Variants in MAP3K1 observed in about 807,000 individuals in gnomAD.
MAP3K1 encodes the protein mitogen-activated protein kinase kinase kinase 1.
MAP3K1 carries 36 observed loss-of-function variants against 144.2 expected under a neutral mutation model. The ratio of observed to expected loss-of-function variants is 0.25; its 90% CI spans 0.19 to 0.33. The LOEUF (loss-of-function observed/expected upper bound fraction) is 0.33, where lower values mean the gene tolerates loss of function less well. Among genes scored for constraint, MAP3K1 ranks in the 10% least tolerant of loss-of-function variants. MAP3K1 has a pLI of 1.00. For synonymous variants in MAP3K1, 718 were observed against 688.7 expected (o/e 1.04, Z -0.67); for missense variants, 1,650 against 1,881.9 (o/e 0.88, Z 2.28).
At position 56,844,460 on chromosome 5, in the gene MAP3K1, T is replaced by A. The variant is rs540717570; in HGVS notation, c.483-12140T>A. 3.3e-5 allele frequency among the ~76,000 whole-genome samples: 5 copies of A among 152,248 alleles called. No individual in the cohort carries two copies. The East Asian group carries it at 9.7e-4, about 29-fold the overall frequency. ...TCCCAAAGTGCTGGGATTACAGGTG[T>A]GAGCCACCGTGCCCGGCCTAGGATA... On this transcript the variant is annotated intron_variant, in intron 1 of 19. Transcript: ENST00000399503.
intron 19 of MAP3K1, among the ~76,000 whole-genome samples, chr5:56,889,193 G>C (rs1278842500): frequency 6.6e-6 from 1 of 152,104 alleles, no homozygotes; most frequent in Non-Finnish European, 1.5e-5. Flanking sequence ...TTTTGAGACA[G>C]AGTCTCGCTG....
At position 56,827,983 on chromosome 5, in the gene MAP3K1, A is replaced by G. The variant is rs961487289; in HGVS notation, c.482+11928A>G. ...CTAAAATGGGGTCGTTGGTGGTATAATGAAGCACCATTCTTGATCCAGAAA... is the reference window on the plus strand; with the variant it reads ...CTAAAATGGGGTCGTTGGTGGTATAGTGAAGCACCATTCTTGATCCAGAAA... On this transcript the variant is annotated intron_variant, in intron 1 of 19. Transcript: ENST00000399503. Among the ~76,000 whole-genome samples the G allele has an allele frequency of 2.6e-5, 4 of 152,176 alleles. No homozygotes were observed. The East Asian group carries it at 5.8e-4, about 22-fold the overall frequency.
chr5:56,890,730 A>G (rs1158175799), intron 19 of MAP3K1, among the ~76,000 whole-genome samples: 1 of 152,132 alleles, frequency 6.6e-6, no homozygotes, highest in Non-Finnish European at 1.5e-5. Context: ...AGATACATTA[A>G]TAAGTGAAAA....
At chr5:56,845,089 T>A (rs1207911508) in intron 1 of MAP3K1, among the ~76,000 whole-genome samples, 1 of 152,212 alleles carries the variant, frequency 6.6e-6, no homozygotes, top group Non-Finnish European at 1.5e-5. Context: ...AGGGCTTTTT[T>A]AAAATAGAAG....
chr5:56,857,027 A>C (rs1167563526), intron 2 of MAP3K1, among the ~76,000 whole-genome samples: 1 of 152,110 alleles, frequency 6.6e-6, no homozygotes, highest in African/African-American at 2.4e-5. Flanking sequence ...CTTTCATTGG[A>C]GTTTTATACT....
chr5:56,859,138 G>A (rs1747425388), intron 2 of MAP3K1, among the ~76,000 whole-genome samples: 1 of 148,946 alleles, frequency 6.7e-6, no homozygotes, highest in Non-Finnish European at 1.5e-5. Flanking sequence ...TAAACTTCTA[G>A]TCTCTTTTGG....
At chr5:56,838,919 T>C (rs1746731452) in intron 1 of MAP3K1, among the ~76,000 whole-genome samples, 1 of 152,192 alleles carries the variant, frequency 6.6e-6, no homozygotes, top group South Asian at 2.1e-4. Context: ...TGTTTTGAGC[T>C]AGGAGCAAAT....
rs1171388317 is a variant in MAP3K1 at position 56,885,996 on chromosome 5, C to T, written c.4047C>T (p.Tyr1349=). Residue 1349 remains tyrosine, a synonymous_variant, in exon 17 of 20, where the codon TAC becomes TAT. Transcript: ENST00000399503. The stretch of plus-strand genomic sequence containing the variant: ...TCAAAGAATCAGTAGTTATTAACTA[C>T]ACTGAACAGTTACTCCGTGGCCTTT... ...GAFKESVVIN[Y]TEQLLRGLSY... The T allele has an allele frequency of 6.2e-7, 1 of 1,611,324 alleles. No individual in the cohort carries two copies. Among genetic ancestry groups the T allele is most frequent in the Non-Finnish European group, 8.5e-7 (1 of 1,177,456 alleles).
rs770863463 is a variant in MAP3K1, at chr5:56,882,030, A to G, written c.2830A>G (p.Thr944Ala). Reference protein sequence around the residue: ...ISVGPSSSTTTTTTTTEQPKP... With the variant: ...ISVGPSSSTTATTTTTEQPKP... ...AGTAGGACCTTCTAGTTCAACAACA[A>G]CAACAACAACAACAACAGAGCAACC... Residue 944 changes from threonine (T) to alanine (A), a missense_variant, in exon 14 of 20, where the codon ACA (threonine) becomes GCA (alanine). By Grantham distance (58) the Thr-to-Ala change is moderately conservative. This residue lies in a region of MAP3K1 where 841 missense variants were observed against 886.5 expected (regional missense o/e 0.95). Coordinates refer to ENST00000399503, the MANE Select transcript of MAP3K1 (RefSeq NM_005921.2). The G allele has an allele frequency of 6.3e-7, 1 of 1,596,750 alleles. No homozygotes were observed. Among genetic ancestry groups the G allele is most frequent in the South Asian group, 1.1e-5 (1 of 89,720 alleles).
intron 1 of MAP3K1, among the ~76,000 whole-genome samples, chr5:56,853,479 A>G (rs1309642814): frequency 6.6e-6 from 1 of 152,222 alleles, no homozygotes; most frequent in Non-Finnish European, 1.5e-5. Flanking sequence ...TTCACTTAAT[A>G]TATGTTCATA....
intron 1 of MAP3K1, among the ~76,000 whole-genome samples, chr5:56,835,223 A>AT (rs1554030951): frequency 2.6e-5 from 4 of 152,222 alleles, no homozygotes; most frequent in Non-Finnish European, 4.4e-5. Context: ...GAATGCCAGT[A>AT]TTTCCTGGAA....
chr5:56,849,834 T>TC (rs1266042739), intron 1 of MAP3K1, among the ~76,000 whole-genome samples: 2 of 152,244 alleles, frequency 1.3e-5, no homozygotes, highest in South Asian at 2.1e-4. Context: ...ATATTCATTT[T>TC]CCTTTTGTTC....
rs953440061 is a variant in MAP3K1, at chr5:56,888,325, A to C, written c.4357A>C (p.Lys1453Gln). 6.2e-7 allele frequency: 1 copy of C among 1,613,966 alleles called. No individual in the cohort carries two copies. Among genetic ancestry groups the C allele is most frequent in the African/African-American group, 1.3e-5 (1 of 74,934 alleles). Reference protein sequence around the residue: ...ACAKPPWNAEKHSNHLALIFK... With the variant: ...ACAKPPWNAEQHSNHLALIFK... ...TGCAAAACCACCATGGAATGCAGAA[A>C]AACACTCCAATCATCTTGCTTTGAT... Residue 1453 changes from lysine to glutamine, a missense_variant, in exon 19 of 20, where the codon AAA becomes CAA. By Grantham distance (53) the Lys-to-Gln change is moderately conservative. Coordinates refer to ENST00000399503, the MANE Select transcript of MAP3K1 (RefSeq NM_005921.2).
intron 1 of MAP3K1, among the ~76,000 whole-genome samples, chr5:56,818,379 A>G (rs1746048255): frequency 6.6e-6 from 1 of 152,144 alleles, no homozygotes; most frequent in Non-Finnish European, 1.5e-5. Flanking sequence ...TTTGACAGTT[A>G]AGTTACATTC....
intron 1 of MAP3K1, among the ~76,000 whole-genome samples, chr5:56,834,159 A>T (rs1405896644): frequency 6.6e-6 from 1 of 152,080 alleles, no homozygotes; most frequent in Non-Finnish European, 1.5e-5. Flanking sequence ...GCTGGCCCAT[A>T]AGTCTTTTAT....
Position 56,893,928 on chromosome 5 carries a change from G to T in MAP3K1, c.*248G>T. 1.9e-6 allele frequency: 1 copy of T among 529,360 alleles called. No individual in the cohort carries two copies. The highest frequency in any genetic ancestry group is 3.4e-6 in the Non-Finnish European group (1 of 293,170). The allele number at this position is 529,360 out of a possible 1,614,324, so 32.8% of individuals were successfully genotyped here. ...TCAAAGAACTGGCCCTAGGTGAACA[G>T]GAAAACAATGAAGTTTGCATGACTA... On this transcript the variant is annotated 3_prime_UTR_variant, in exon 20 of 20. Coordinates refer to ENST00000399503, the MANE Select transcript of MAP3K1 (RefSeq NM_005921.2).
chr5:56,875,293 G>A lies in MAP3K1; in HGVS notation c.1948G>A (p.Val650Met). Reference protein sequence around the residue: ...SMVCADPVYKVYVAALKTLRA... With the variant: ...SMVCADPVYKMYVAALKTLRA... ...GGTCTGTGCTGACCCTGTCTACAAA[G>A]TGTACGTTGCTGCTTTAGTAAGTAG... The change falls in exon 10 of 20, where the codon GTG (valine) becomes ATG (methionine). Residue 650 changes from valine to methionine, a missense_variant. By Grantham distance (21) the Val-to-Met change is conservative (BLOSUM62 1). Coordinates refer to ENST00000399503, the MANE Select transcript of MAP3K1 (RefSeq NM_005921.2). 1 of 1,614,094 alleles carries A rather than the reference G, an allele frequency of 6.2e-7. No individual in the cohort carries two copies. Among genetic ancestry groups the A allele is most frequent in the East Asian group, 2.2e-5 (1 of 44,878 alleles).
At chr5:56,827,217 A>G (rs530882232) in intron 1 of MAP3K1, among the ~76,000 whole-genome samples, 34 of 152,334 alleles carry the variant, frequency 2.2e-4, no homozygotes, top group African/African-American at 8.2e-4. Flanking sequence ...GGCTCTGGCC[A>G]GAGAGAGAGC....
intron 2 of MAP3K1, 27 bp downstream of exon 2, chr5:56,856,777 A>G (rs373083962): frequency 5.5e-5 from 89 of 1,612,706 alleles, no homozygotes; most frequent in Non-Finnish European, 6.4e-5. Flanking sequence ...TACCAGTTAT[A>G]AGGAAGAAAG....
Sources: allele counts gnomAD v4.1 joint callset (sites outside exome capture counted in the v4.1 genomes callset), GRCh38; gene constraint gnomAD v4.1.1; regional missense constraint gnomAD v4.1.1; transcripts MANE v1.5; gene names NCBI Gene and HGNC (gene_info 2026-07-23, HGNC 2026-07-21).